The following KIAA1217 variants were observed in gnomAD, a reference collection of about 807,000 sequenced individuals.
The protein encoded by KIAA1217 is KIAA1217, also known as sickle tail protein homolog.
Under a neutral mutation model 163.9 loss-of-function variants are expected in KIAA1217, and 88 were observed. The observed-to-expected ratio is 0.54, with a 90% CI of 0.45 to 0.64. The LOEUF (loss-of-function observed/expected upper bound fraction) is 0.64. KIAA1217 is among the 30% of genes least tolerant of loss of function. The probability of loss-of-function intolerance (pLI) is 0.00; values close to 1 mark genes in which losing one functional copy is unlikely to be tolerated. For missense variants in KIAA1217, 2,372 were observed against 2,475.0 expected (o/e 0.96, Z 0.88); for synonymous variants, 903 against 923.1 (o/e 0.98, Z 0.39).
chr10:24,510,577 G>T (rs1157569009), intron 9 of KIAA1217, among the ~76,000 whole-genome samples: 1 of 152,110 alleles, frequency 6.6e-6, no homozygotes, highest in Non-Finnish European at 1.5e-5. Context: ...CCCAGGCATT[G>T]GTCACTCTTA....
chr10:23,917,281 T>C (rs1018453805), intron 1 of KIAA1217, among the ~76,000 whole-genome samples: 2 of 152,134 alleles, frequency 1.3e-5, no homozygotes, highest in Non-Finnish European at 2.9e-5. Flanking sequence ...GAATTGCAAT[T>C]TCCAAAACCA....
intron 8 of KIAA1217, among the ~76,000 whole-genome samples, chr10:24,500,412 G>A (rs1477000317): frequency 1.3e-5 from 2 of 151,814 alleles, no homozygotes; most frequent in Non-Finnish European, 2.9e-5. Flanking sequence ...GTGTGTGTGT[G>A]TGTGTGTGTC....
At chr10:24,545,637 C>T in intron 20 of KIAA1217, 190 bp from the exon 21 acceptor site, 1 of 1,393,970 alleles carries the variant, frequency 7.2e-7, no homozygotes, top group Non-Finnish European at 9.2e-7. Context: ...CCCGTCCATC[C>T]TTTGCTATGT....
chr10:24,347,901 A>G (rs1315472972), intron 2 of KIAA1217, among the ~76,000 whole-genome samples: 2 of 152,242 alleles, frequency 1.3e-5, no homozygotes, highest in African/African-American at 4.8e-5. Flanking sequence ...TATATCCATC[A>G]CCACACATGG....
At chr10:24,298,808 A>G (rs970641977) in intron 2 of KIAA1217, among the ~76,000 whole-genome samples, 2 of 152,136 alleles carry the variant, frequency 1.3e-5, no homozygotes, top group Non-Finnish European at 2.9e-5. Context: ...AAAAAGAAAA[A>G]ATAAATAAAT....
intron 2 of KIAA1217, among the ~76,000 whole-genome samples, chr10:24,314,540 C>G (rs1209220270): frequency 6.6e-6 from 1 of 152,144 alleles, no homozygotes; most frequent in Non-Finnish European, 1.5e-5. Flanking sequence ...GGCAGGGGAG[C>G]CTGTGATTTG....
chr10:24,112,808 G>A (rs1009823167), intron 2 of KIAA1217, among the ~76,000 whole-genome samples: 15 of 151,728 alleles, frequency 9.9e-5, no homozygotes, highest in Admixed American at 4.6e-4. Flanking sequence ...GGACGGTCTC[G>A]ATCTCCTGAC....
Position 24,471,037 on chromosome 10 carries a change from C to G in KIAA1217, c.847-2191C>G, listed in dbSNP as rs148246317. On this transcript the variant is annotated intron_variant, in intron 5 of 20. Transcript: ENST00000376454. Reference sequence around the variant, plus strand: ...TCCTAGAATAACCCCAGGCACTTACCAAGTGCTTGGTAAATACTCTTTACT... The same window carrying G: ...TCCTAGAATAACCCCAGGCACTTACGAAGTGCTTGGTAAATACTCTTTACT... Among the ~76,000 whole-genome samples, 160 of 152,282 alleles carry G rather than the reference C, an allele frequency of 1.1e-3. 2 individuals carry two copies. The highest frequency in any genetic ancestry group is 3.6e-3 in the African/African-American group (151 of 41,546).
chr10:24,008,158 T>TTAGATAGATAGA (rs60229610), intron 2 of KIAA1217, among the ~76,000 whole-genome samples: 1 of 148,248 alleles, frequency 6.7e-6, no homozygotes, highest in Admixed American at 6.8e-5. Flanking sequence ...AGGTAGGAAA[T>TTAGATAGATAGA]TAGATAGATA....
chr10:24,191,702 A>G (rs973447252), intron 2 of KIAA1217, among the ~76,000 whole-genome samples: 3 of 152,340 alleles, frequency 2.0e-5, no homozygotes, highest in African/African-American at 7.2e-5. Context: ...TGCCAGCTTC[A>G]TGGTTGAGGC....
rs778980145 is a variant in KIAA1217, at chr10:24,209,211, C to G, written c.18C>G (p.Ser6Arg). MEENE[S>R]QKCEPCLPYS... is the part of the protein sequence containing the mutation. ...CAGAGACAATGGAAGAAAATGAAAG[C>G]CAGAAATGTGAGCCGTGCCTTCCTT... The change falls in exon 1 of 21, where the codon AGC becomes AGG. Residue 6 changes from serine to arginine, a missense_variant. Ser to Arg is a moderately radical substitution (Grantham distance 110). Coordinates refer to ENST00000376454, the MANE Select transcript of KIAA1217 (RefSeq NM_019590.5). The G allele has an allele frequency of 2.5e-6, 4 of 1,613,714 alleles. No individual in the cohort carries two copies. In the East Asian group the frequency reaches 8.9e-5, roughly 36 times the overall value.
intron 2 of KIAA1217, among the ~76,000 whole-genome samples, chr10:24,074,117 G>C (rs774077644): frequency 6.6e-6 from 1 of 152,190 alleles, no homozygotes; most frequent in African/African-American, 2.4e-5. Flanking sequence ...GCCCAGGCAG[G>C]TGGATCACCT....
chr10:24,426,403 C>T (rs2059171769), intron 3 of KIAA1217, among the ~76,000 whole-genome samples: 1 of 152,086 alleles, frequency 6.6e-6, no homozygotes, highest in South Asian at 2.1e-4. Flanking sequence ...GGGTGAATCA[C>T]CTGAGGTCAG....
chr10:23,696,508 C>A (rs775648646), intron 1 of KIAA1217, among the ~76,000 whole-genome samples: 4 of 152,204 alleles, frequency 2.6e-5, no homozygotes, highest in Non-Finnish European at 5.9e-5. Flanking sequence ...ATTTGTAATG[C>A]ATCCTGGTCA....
At chr10:24,082,459 G>A (rs1413582426) in intron 2 of KIAA1217, among the ~76,000 whole-genome samples, 6 of 151,824 alleles carry the variant, frequency 4.0e-5, no homozygotes, top group African/African-American at 7.3e-5. Flanking sequence ...ATGTGTTCTC[G>A]TGTTCAGCTC....
At position 24,388,180 on chromosome 10, in the gene KIAA1217, C is replaced by G. The variant is rs531739969; in HGVS notation, c.553+7113C>G. 4.6e-5 allele frequency among the ~76,000 whole-genome samples: 7 copies of G among 152,330 alleles called. No individual in the cohort carries two copies. In the South Asian group the frequency reaches 1.5e-3, roughly 32 times the overall value. On this transcript the variant is annotated intron_variant, in intron 3 of 20. Coordinates refer to ENST00000376454, the MANE Select transcript of KIAA1217 (RefSeq NM_019590.5). ...TACTACAAGGCTACAGTAACCAAAA[C>G]AGCATGGTACTGGTACCAAAACAGA...
intron 1 of KIAA1217, among the ~76,000 whole-genome samples, chr10:23,766,709 C>T (rs1179785998): frequency 6.6e-6 from 1 of 151,852 alleles, no homozygotes; most frequent in Non-Finnish European, 1.5e-5. Flanking sequence ...GTGCCTCAGC[C>T]TCCCGAGTAG....
chr10:24,471,082 G>A (rs1056911596), intron 5 of KIAA1217, among the ~76,000 whole-genome samples: 2 of 152,126 alleles, frequency 1.3e-5, no homozygotes, highest in African/African-American at 4.8e-5. Flanking sequence ...GAATTTTTGT[G>A]ATAAAGAAGC....
chr10:24,398,834 T>C (rs2056177704), intron 3 of KIAA1217, among the ~76,000 whole-genome samples: 1 of 152,188 alleles, frequency 6.6e-6, no homozygotes, highest in African/African-American at 2.4e-5. Flanking sequence ...CCATTTTGTC[T>C]CTAAATGTGC....
Sources: gnomAD v4.1 joint callset for allele counts (sites outside exome capture counted in the v4.1 genomes callset) on GRCh38, gnomAD v4.1.1 for gene constraint, MANE v1.5 for transcripts, NCBI Gene and HGNC (gene_info 2026-07-23, HGNC 2026-07-21) for gene names.